The following C6orf118 variants were observed in gnomAD, a reference collection of about 807,000 sequenced individuals.
C6orf118 encodes the protein uncharacterized protein C6orf118.
A neutral mutation model predicts 50.2 loss-of-function variants in C6orf118; 50 were observed. That is an observed-to-expected ratio of 1.00 (90% CI 0.79 to 1.26). The LOEUF (loss-of-function observed/expected upper bound fraction) is 1.26, where lower values mean the gene tolerates loss of function less well. Ranked by LOEUF, C6orf118 falls within the 50% of genes most tolerant of loss-of-function variation. C6orf118 has a pLI of 0.00. For missense variants in C6orf118, 641 were observed against 578.7 expected, an observed-to-expected ratio of 1.11 and a Z score of -1.10; for synonymous variants, 239 against 230.9, an observed-to-expected ratio of 1.03 and a Z score of -0.32.
chr6:165,281,816 C>T (rs1779740483), intron 7 of C6orf118, 123 bp from the exon 8 acceptor site: 2 of 481,934 alleles, frequency 4.1e-6, no homozygotes, highest in Admixed American at 4.8e-5. Context: ...TAGCACATTA[C>T]TTAAAAACAG....
chr6:165,309,186 G>C (rs1583034212), intron 1 of C6orf118, among the ~76,000 whole-genome samples: 1 of 152,356 alleles, frequency 6.6e-6, no homozygotes, highest in East Asian at 1.9e-4. Context: ...GCCAGGGAAT[G>C]CTCTGAAGTG....
In C6orf118 at chr6:165,299,483, A is replaced by C. The variant is rs755427162; in HGVS notation, c.896T>G (p.Met299Arg). 1.2e-6 allele frequency: 2 copies of C among 1,614,000 alleles called. No homozygotes were observed. Among genetic ancestry groups the C allele is most frequent in the South Asian group, 1.1e-5 (1 of 91,066 alleles). ...KKVKDEYELY[M>R]ATLLESQPAA... Reference sequence around the variant, plus strand: ...AGGCTGGGACTCCAGGAGCGTTGCCATGTAGAGTTCATATTCATCCTGTAC... The same window carrying C: ...AGGCTGGGACTCCAGGAGCGTTGCCCTGTAGAGTTCATATTCATCCTGTAC... The change falls in exon 4 of 9, where the codon ATG (methionine) becomes AGG (arginine). Residue 299 changes from methionine to arginine, a missense_variant. Transcript: ENST00000230301.
intron 8 of C6orf118, 53 bp downstream of exon 8, chr6:165,281,587 T>A (rs1466339025): frequency 6.8e-7 from 1 of 1,476,546 alleles, no homozygotes; most frequent in Non-Finnish European, 9.0e-7. Flanking sequence ...GGACAAGCAG[T>A]CACCAGAGGA....
In C6orf118 at chr6:165,308,361, G is replaced by A. The variant is rs767995660; in HGVS notation, c.25+1201C>T. Among the ~76,000 whole-genome samples, 14 of 152,296 alleles carry A rather than the reference G, an allele frequency of 9.2e-5. No homozygotes were observed. In the South Asian group the frequency reaches 1.0e-3, roughly 11 times the overall value. On this transcript the variant is annotated intron_variant, in intron 1 of 8. Coordinates refer to ENST00000230301, the MANE Select transcript of C6orf118 (RefSeq NM_144980.4). ...AGGTGGAAGAAAGGGGGTCAGGGAAGTTGCAAGGAAAGGAAGCTTCCAGAC... is the reference window on the plus strand; with the variant it reads ...AGGTGGAAGAAAGGGGGTCAGGGAAATTGCAAGGAAAGGAAGCTTCCAGAC...
chr6:165,293,960 C>A (rs916482283), intron 5 of C6orf118, among the ~76,000 whole-genome samples: 4 of 152,008 alleles, frequency 2.6e-5, no homozygotes, highest in Middle Eastern at 3.2e-3. Context: ...AAATAAAATA[C>A]AAGAGGCCGG....
chr6:165,289,830 G>A, intron 7 of C6orf118, 56 bp downstream of exon 7: 1 of 1,257,508 alleles, frequency 8.0e-7, no homozygotes, highest in East Asian at 2.5e-5. Context: ...TCATGTGTTT[G>A]CCAAGGTCTT....
rs560940108 is a variant in C6orf118, at chr6:165,298,279, A to G, written c.937-178T>C. ...AGGGCCGTTGGGGGAGGGATGGCCC[A>G]TCAGTGAAGTTCCCGGTAAAATACC... On this transcript the variant is annotated intron_variant, in intron 4 of 8. Transcript: ENST00000230301. 1.4e-4 allele frequency among the ~76,000 whole-genome samples: 21 copies of G among 152,350 alleles called. No individual in the cohort carries two copies. In the South Asian group the frequency reaches 4.3e-3, roughly 32 times the overall value.
Position 165,279,811 on chromosome 6 carries a change from T to A in C6orf118, c.*246A>T. On this transcript the variant is annotated 3_prime_UTR_variant, in exon 9 of 9. Coordinates refer to ENST00000230301, the MANE Select transcript of C6orf118 (RefSeq NM_144980.4). Reference sequence around the variant, plus strand: ...TTTTCCAAAGTTGAACATTATTAAATGAAAGTAAAACATACGTTAAGAACT... The same window carrying A: ...TTTTCCAAAGTTGAACATTATTAAAAGAAAGTAAAACATACGTTAAGAACT... 2.6e-6 allele frequency: 1 copy of A among 378,272 alleles called. No individual in the cohort carries two copies. The highest frequency in any genetic ancestry group is 4.7e-6 in the Non-Finnish European group (1 of 214,724). 23.4% of individuals were successfully genotyped at this position (378,272 alleles called of 1,614,324 possible).
At position 165,299,345 on chromosome 6, in the gene C6orf118, C is replaced by T. The variant is rs867634822; in HGVS notation, c.936+98G>A. 57 of 1,020,716 alleles carry T rather than the reference C, an allele frequency of 5.6e-5. 2 individuals carry two copies. The Middle Eastern group carries it at 1.9e-3, about 34-fold the overall frequency. The allele number at this position is 1,020,716 out of a possible 1,614,324, so 63.2% of individuals were successfully genotyped here. Reference sequence around the variant, plus strand: ...CAGCTATTCTAAATTATGGGGCACACATGGGGCTTCTTGGATTCAGAAAGG... The same window carrying T: ...CAGCTATTCTAAATTATGGGGCACATATGGGGCTTCTTGGATTCAGAAAGG... On this transcript the variant is annotated intron_variant, in intron 4 of 8. Coordinates refer to ENST00000230301, the MANE Select transcript of C6orf118 (RefSeq NM_144980.4).
intron 7 of C6orf118, among the ~76,000 whole-genome samples, chr6:165,284,454 A>C (rs149683235): frequency 4.8e-4 from 73 of 152,302 alleles, no homozygotes; most frequent in Non-Finnish European, 7.2e-4. Context: ...CCAACATTCA[A>C]ATACAGGAAA....
At position 165,288,335 on chromosome 6, in the gene C6orf118, A is replaced by C. The variant is rs551238552; in HGVS notation, c.1302+1551T>G. 2.0e-5 allele frequency among the ~76,000 whole-genome samples: 3 copies of C among 152,334 alleles called. No homozygotes were observed. In the South Asian group the frequency reaches 6.2e-4, roughly 32 times the overall value. The stretch of plus-strand genomic sequence containing the variant: ...GGAATGCTTTTACACTGTTGGTAGG[A>C]ATGTAAATTAATTCAACCATCGTGG... On this transcript the variant is annotated intron_variant, in intron 7 of 8. Transcript: ENST00000230301.
At position 165,302,195 on chromosome 6, in the gene C6orf118, T is replaced by G. The variant is rs562622317; in HGVS notation, c.127A>C (p.Lys43Gln). 6.2e-7 allele frequency: 1 copy of G among 1,613,042 alleles called. No individual in the cohort carries two copies. Among genetic ancestry groups the G allele is most frequent in the South Asian group, 1.1e-5 (1 of 91,074 alleles). Residue 43 changes from lysine (K) to glutamine (Q), a missense_variant, in exon 2 of 9, where the codon AAA becomes CAA. Lys to Gln is a moderately conservative substitution (Grantham distance 53). Coordinates refer to ENST00000230301, the MANE Select transcript of C6orf118 (RefSeq NM_144980.4). Reference protein sequence around the residue: ...PGVKTLCNLKKLLNRLQKDHR... With the variant: ...PGVKTLCNLKQLLNRLQKDHR... ...TCTTTCTGAAGCCGATTCAGAAGTT[T>G]CTTCAGATTACACAGGGTCTTCACT... is the stretch of plus-strand genomic sequence containing the variant.
intron 8 of C6orf118, 120 bp from the exon 9 acceptor site, chr6:165,280,230 T>G: frequency 3.0e-6 from 2 of 663,260 alleles, no homozygotes; most frequent in Non-Finnish European, 5.0e-6. Context: ...AAGATGAGAC[T>G]TTGTAATCAT....
intron 6 of C6orf118, 65 bp downstream of exon 6, chr6:165,293,348 A>C: frequency 7.1e-7 from 1 of 1,416,500 alleles, no homozygotes; most frequent in Non-Finnish European, 1.0e-6. Flanking sequence ...GCCACACTGC[A>C]GCAGCTGAAA....
chr6:165,294,261 A>AAAC (rs1554230543), intron 5 of C6orf118, among the ~76,000 whole-genome samples: 9 of 145,830 alleles, frequency 6.2e-5, no homozygotes, highest in African/African-American at 2.1e-4. Context: ...AAGCAAAAAA[A>AAAC]AAAAAACAAA....
At chr6:165,291,368 T>C (rs1780100443) in intron 6 of C6orf118, among the ~76,000 whole-genome samples, 1 of 152,182 alleles carries the variant, frequency 6.6e-6, no homozygotes, top group Non-Finnish European at 1.5e-5. Context: ...CAATGAAGCA[T>C]GGAGGTAAGA....
rs570520998 is a variant in C6orf118 at position 165,308,822 on chromosome 6, C to G, written c.25+740G>C. Among the ~76,000 whole-genome samples the G allele has an allele frequency of 4.6e-4, 70 of 152,328 alleles. 4 individuals are homozygous for G. In the South Asian group the frequency reaches 0.012, roughly 27 times the overall value. On this transcript the variant is annotated intron_variant, in intron 1 of 8. Transcript: ENST00000230301. Reference sequence around the variant, plus strand: ...AGACCACGCTCTCAACCTGCCCACTCACCTGTACATGAAGAGCACTAAATG... The same window carrying G: ...AGACCACGCTCTCAACCTGCCCACTGACCTGTACATGAAGAGCACTAAATG...
At chr6:165,292,998 C>T (rs1206155466) in intron 6 of C6orf118, among the ~76,000 whole-genome samples, 3 of 152,124 alleles carry the variant, frequency 2.0e-5, no homozygotes, top group Non-Finnish European at 4.4e-5. Context: ...GGGAAAATGG[C>T]ATTTCATTTA....
intron 7 of C6orf118, among the ~76,000 whole-genome samples, chr6:165,283,351 G>A (rs1333680615): frequency 3.3e-5 from 5 of 152,272 alleles, no homozygotes; most frequent in Middle Eastern, 3.4e-3. Context: ...AGATCCCCTC[G>A]TGAGCCCACA....
Sources: gnomAD v4.1 joint callset for allele counts (sites outside exome capture counted in the v4.1 genomes callset) on GRCh38, gnomAD v4.1.1 for gene constraint, MANE v1.5 for transcripts, NCBI Gene and HGNC (gene_info 2026-07-23, HGNC 2026-07-21) for gene names.